Variants in TRPS1 observed in about 807,000 individuals in gnomAD.
TRPS1 encodes the protein zinc finger transcription factor Trps1.
A neutral mutation model predicts 101.2 loss-of-function variants in TRPS1; 6 were observed. The ratio of observed to expected loss-of-function variants is 0.06; its 90% CI spans 0.03 to 0.12. The LOEUF (loss-of-function observed/expected upper bound fraction) is 0.12. TRPS1 is among the 10% of genes least tolerant of loss of function. The probability of loss-of-function intolerance (pLI) is 1.00; values close to 1 mark genes in which losing one functional copy is unlikely to be tolerated. For synonymous variants in TRPS1, 578 were observed against 589.8 expected, an observed-to-expected ratio of 0.98 and a Z score of 0.29; for missense variants, 1,363 against 1,567.0, an observed-to-expected ratio of 0.87 and a Z score of 2.20.
intron 5 of TRPS1, among the ~76,000 whole-genome samples, chr8:115,525,632 G>A (rs1815978071): frequency 6.6e-6 from 1 of 152,128 alleles, no homozygotes; most frequent in East Asian, 1.9e-4. Flanking sequence ...TCTTAGTAGA[G>A]TGAGAGAGTG....
chr8:115,436,478 T>C (rs772046136), intron 5 of TRPS1, among the ~76,000 whole-genome samples: 1 of 152,200 alleles, frequency 6.6e-6, no homozygotes, highest in Non-Finnish European at 1.5e-5. Context: ...TGCCCCACCA[T>C]GGCCAGGTGA....
intron 5 of TRPS1, among the ~76,000 whole-genome samples, chr8:115,435,779 G>C (rs1305533551): frequency 1.3e-5 from 2 of 152,066 alleles, no homozygotes; most frequent in African/African-American, 4.8e-5. Context: ...ACACTCACTT[G>C]ATATAAGTTC....
chr8:115,557,454 A>G (rs1044475912), intron 5 of TRPS1, among the ~76,000 whole-genome samples: 1 of 152,018 alleles, frequency 6.6e-6, no homozygotes, highest in Admixed American at 6.6e-5. Flanking sequence ...CCCACATGTC[A>G]TGGAAGTGAC....
chr8:115,452,945 A>G (rs984345661), intron 5 of TRPS1, among the ~76,000 whole-genome samples: 2 of 152,194 alleles, frequency 1.3e-5, no homozygotes, highest in South Asian at 2.1e-4. Flanking sequence ...CTAATATCAA[A>G]CAGAGCAAAA....
Position 115,410,187 on chromosome 8 carries a change from C to A in TRPS1, c.*3836G>T, listed in dbSNP as rs1366632490. On this transcript the variant is annotated 3_prime_UTR_variant, in exon 7 of 7. Transcript: ENST00000395715. The stretch of plus-strand genomic sequence containing the variant: ...AGGAGGCTAATAATTATTTTAATAG[C>A]CATACTGAGACTCTTCAGTTTATTA... 1 of 152,076 alleles carries A rather than the reference C, an allele frequency of 6.6e-6. No homozygotes were observed. The highest frequency in any genetic ancestry group is 1.5e-5 in the Non-Finnish European group (1 of 68,000). The allele number at this position is 152,076 out of a possible 1,614,324, so 9.4% of individuals were successfully genotyped here.
rs555056526 is a variant in TRPS1 at position 115,436,115 on chromosome 8, T to C, written c.2701-17663A>G. Among the ~76,000 whole-genome samples, 4 of 152,104 alleles carry C rather than the reference T, an allele frequency of 2.6e-5. No individual in the cohort carries two copies. The East Asian group carries it at 7.7e-4, about 29-fold the overall frequency. On this transcript the variant is annotated intron_variant, in intron 5 of 6. Transcript: ENST00000395715. ...CCTTTAATCATTACTCATAACTCTA[T>C]CTTTTATTTTTCTTCAGTTGTGTGT...
chr8:115,412,223 T>C lies in TRPS1; in HGVS notation c.*1800A>G, dbSNP rs1483254980. ...GGAATGAATAAGTGCTACCCTTTTTTTCCTAAGTAGGCATAAAAATATTTT... is the reference window on the plus strand; with the variant it reads ...GGAATGAATAAGTGCTACCCTTTTTCTCCTAAGTAGGCATAAAAATATTTT... On this transcript the variant is annotated 3_prime_UTR_variant, in exon 7 of 7. Transcript: ENST00000395715. 6.6e-6 allele frequency: 1 copy of C among 152,494 alleles called. No homozygotes were observed. Among genetic ancestry groups the C allele is most frequent in the African/African-American group, 2.4e-5 (1 of 41,440 alleles). 9.4% of individuals were successfully genotyped at this position (152,494 alleles called of 1,614,324 possible).
At chr8:115,609,337 A>T in intron 3 of TRPS1, among the ~76,000 whole-genome samples, 1 of 152,226 alleles carries the variant, frequency 6.6e-6, no homozygotes, top group African/African-American at 2.4e-5. Flanking sequence ...CACACTTGTC[A>T]CTATCAATAT....
intron 5 of TRPS1, among the ~76,000 whole-genome samples, chr8:115,575,832 CAG>C (rs1817305522): frequency 1.3e-5 from 2 of 152,122 alleles, no homozygotes; most frequent in African/African-American, 2.4e-5. Context: ...ATCCATTAAA[CAG>C]AGTTTGAATG....
intron 5 of TRPS1, among the ~76,000 whole-genome samples, chr8:115,427,915 T>C (rs1001185235): frequency 6.6e-6 from 1 of 152,024 alleles, no homozygotes; most frequent in Non-Finnish European, 1.5e-5. Context: ...ATAAAAAAAG[T>C]ATGTGAAACA....
At chr8:115,643,063 G>C (rs971321795) in intron 1 of TRPS1, among the ~76,000 whole-genome samples, 1 of 152,034 alleles carries the variant, frequency 6.6e-6, no homozygotes, top group African/African-American at 2.4e-5. Flanking sequence ...ATAGTATTAT[G>C]TTTAAAAAAT....
intron 5 of TRPS1, among the ~76,000 whole-genome samples, chr8:115,434,747 T>C (rs1393421398): frequency 3.3e-5 from 5 of 152,224 alleles, no homozygotes; most frequent in African/African-American, 7.2e-5. Flanking sequence ...AACAAATGCA[T>C]AGCATTCTCT....
At chr8:115,515,438 T>C (rs1470418890) in intron 5 of TRPS1, among the ~76,000 whole-genome samples, 1 of 151,556 alleles carries the variant, frequency 6.6e-6, no homozygotes, top group Admixed American at 6.6e-5. Flanking sequence ...TGATTTTAAA[T>C]GTCATTAGTT....
chr8:115,608,475 C>T (rs919212777), intron 3 of TRPS1, among the ~76,000 whole-genome samples: 6 of 152,104 alleles, frequency 3.9e-5, no homozygotes, highest in African/African-American at 1.4e-4. Context: ...AGATAAAACC[C>T]TTTATTTATT....
intron 4 of TRPS1, among the ~76,000 whole-genome samples, chr8:115,595,242 T>G (rs1188132097): frequency 2.0e-5 from 3 of 152,092 alleles, no homozygotes; most frequent in Admixed American, 6.5e-5. Context: ...TTGTAATATA[T>G]GCATTGTTGC....
At chr8:115,632,989 G>A (rs1818681665) in intron 1 of TRPS1, among the ~76,000 whole-genome samples, 1 of 152,136 alleles carries the variant, frequency 6.6e-6, no homozygotes, top group East Asian at 1.9e-4. Flanking sequence ...TTAAGAGTGT[G>A]TGTGCGATTT....
At chr8:115,643,325 G>A (rs181636204) in intron 1 of TRPS1, among the ~76,000 whole-genome samples, 10 of 152,204 alleles carry the variant, frequency 6.6e-5, no homozygotes, top group East Asian at 5.8e-4. Context: ...TTTTACCCAC[G>A]CTAGAACTTC....
intron 5 of TRPS1, among the ~76,000 whole-genome samples, chr8:115,499,922 T>C (rs1002720486): frequency 1.1e-5 from 1 of 88,794 alleles, no homozygotes; most frequent in Non-Finnish European, 2.4e-5. Flanking sequence ...TAAATTTCTT[T>C]CTTTCTTTCT....
At chr8:115,420,628 C>T (rs1237050656) in intron 5 of TRPS1, among the ~76,000 whole-genome samples, 3 of 152,204 alleles carry the variant, frequency 2.0e-5, no homozygotes, top group Non-Finnish European at 2.9e-5. Flanking sequence ...TGTTTCAACC[C>T]TTGCACAATT....
Sources: allele counts gnomAD v4.1 joint callset (sites outside exome capture counted in the v4.1 genomes callset), GRCh38; gene constraint gnomAD v4.1.1; transcripts MANE v1.5; gene names NCBI Gene and HGNC (gene_info 2026-07-23, HGNC 2026-07-21).